Variants in RORA observed in about 807,000 individuals in gnomAD.
The protein encoded by RORA is nuclear receptor ROR-alpha.
A neutral mutation model predicts 69.5 loss-of-function variants in RORA; 7 were observed. The ratio of observed to expected loss-of-function variants is 0.10; its 90% CI spans 0.06 to 0.19. The LOEUF (loss-of-function observed/expected upper bound fraction) is 0.19, where lower values mean the gene tolerates loss of function less well. Among genes scored for constraint, RORA ranks in the 10% least tolerant of loss-of-function variants. The pLI is 1.00. For missense variants in RORA, 457 were observed against 663.0 expected, an observed-to-expected ratio of 0.69 and a Z score of 3.41; for synonymous variants, 261 against 240.8, an observed-to-expected ratio of 1.08 and a Z score of -0.78.
chr15:60,978,267 T>G (rs1338805436), intron 1 of RORA, among the ~76,000 whole-genome samples: 2 of 152,250 alleles, frequency 1.3e-5, no homozygotes, highest in Non-Finnish European at 2.9e-5. Flanking sequence ...AATTTTCATG[T>G]GTTCTTTCAT....
intron 1 of RORA, among the ~76,000 whole-genome samples, chr15:60,731,873 G>C (rs2071434585): frequency 6.6e-6 from 1 of 152,212 alleles, no homozygotes; most frequent in Non-Finnish European, 1.5e-5. Context: ...TAAAGTTGCT[G>C]TCAGCGTTCT....
chr15:60,852,012 G>A (rs1186233321), intron 1 of RORA, among the ~76,000 whole-genome samples: 4 of 152,118 alleles, frequency 2.6e-5, no homozygotes, highest in Non-Finnish European at 2.9e-5. Flanking sequence ...TTTACTGAGC[G>A]AGCTGGGGAA....
rs906808006 is a variant in RORA at position 60,509,755 on chromosome 15, T to G, written c.820+1471A>C. Among the ~76,000 whole-genome samples the G allele has an allele frequency of 4.6e-5, 7 of 150,694 alleles. 1 individual carries two copies. Among genetic ancestry groups the G allele is most frequent in the South Asian group, 2.1e-4 (1 of 4,690 alleles). ...CTGCTTAAGGCTCAGCCAACCAAGA[T>G]TTCATGACAAAAATGGAAGGTTTTT... On this transcript the variant is annotated intron_variant, in intron 5 of 10. Transcript: ENST00000335670.
At chr15:60,644,860 G>C (rs2070009754) in intron 2 of RORA, among the ~76,000 whole-genome samples, 1 of 152,104 alleles carries the variant, frequency 6.6e-6, no homozygotes, top group African/African-American at 2.4e-5. Context: ...CTCCTTGCGG[G>C]GGCCAATCAC....
At chr15:60,667,762 G>C (rs2070401261) in intron 2 of RORA, among the ~76,000 whole-genome samples, 1 of 151,926 alleles carries the variant, frequency 6.6e-6, no homozygotes, top group Admixed American at 6.6e-5. Flanking sequence ...TGGGACTATA[G>C]GCATGCACCC....
At chr15:60,571,538 A>G (rs185055458) in intron 2 of RORA, among the ~76,000 whole-genome samples, 2 of 152,218 alleles carry the variant, frequency 1.3e-5, no homozygotes, top group East Asian at 1.9e-4. Context: ...ACTTTTTGGT[A>G]TCATAATATT....
At chr15:60,614,866 G>A (rs199628268) in intron 2 of RORA, 6 of 1,592,240 alleles carry the variant, frequency 3.8e-6, no homozygotes, top group Non-Finnish European at 4.3e-6. Flanking sequence ...TAGCTGCCTG[G>A]AGCATAGTAA....
intron 1 of RORA, among the ~76,000 whole-genome samples, chr15:61,141,245 G>A (rs1279764480): frequency 2.0e-5 from 3 of 152,086 alleles, no homozygotes; most frequent in Admixed American, 1.3e-4. Flanking sequence ...TTATACATTA[G>A]GTTCTTCAAC....
chr15:61,228,015 T>TC lies in RORA; in HGVS notation c.166+1037dup, dbSNP rs528816027. Among the ~76,000 whole-genome samples the TC allele has an allele frequency of 1.8e-4, 27 of 148,366 alleles. No homozygotes were observed. The South Asian group carries it at 5.3e-3, about 29-fold the overall frequency. On this transcript the variant is annotated intron_variant, in intron 1 of 10. Transcript: ENST00000335670. ...TTTAGGAAAGGAGGGAGCAACTGAG[T>TC]CCCCCCCATCCCCCCCAACACACGC...
At chr15:61,037,040 C>A (rs1896493072) in intron 1 of RORA, among the ~76,000 whole-genome samples, 1 of 152,100 alleles carries the variant, frequency 6.6e-6, no homozygotes. Context: ...GGGTAGATAG[C>A]TTAAGAATGG....
intron 1 of RORA, among the ~76,000 whole-genome samples, chr15:61,104,051 A>C (rs1474978656): frequency 6.6e-6 from 1 of 152,222 alleles, no homozygotes; most frequent in Non-Finnish European, 1.5e-5. Flanking sequence ...TCTTAGATAA[A>C]CAAGGCTGCA....
chr15:61,221,914 A>G (rs926525277), intron 1 of RORA, among the ~76,000 whole-genome samples: 2 of 151,962 alleles, frequency 1.3e-5, no homozygotes, highest in African/African-American at 4.8e-5. Flanking sequence ...CTCAGTTACT[A>G]AGAAGCCTGA....
At chr15:60,556,669 C>T (rs2067368809) in intron 2 of RORA, among the ~76,000 whole-genome samples, 2 of 152,224 alleles carry the variant, frequency 1.3e-5, no homozygotes, top group African/African-American at 4.8e-5. Context: ...CAGGTATAAC[C>T]CTGTTTCATG....
At chr15:60,819,153 T>C (rs1273087357) in intron 1 of RORA, among the ~76,000 whole-genome samples, 3 of 152,254 alleles carry the variant, frequency 2.0e-5, no homozygotes, top group Non-Finnish European at 2.9e-5. Flanking sequence ...AACAGTCTTG[T>C]CTTTGATTTA....
At chr15:60,788,450 C>T (rs1797597106) in intron 1 of RORA, among the ~76,000 whole-genome samples, 2 of 152,316 alleles carry the variant, frequency 1.3e-5, no homozygotes, top group Non-Finnish European at 2.9e-5. Flanking sequence ...TCCAAACTCC[C>T]CTCGATTGAC....
intron 1 of RORA, among the ~76,000 whole-genome samples, chr15:61,073,254 A>G (rs1013291071): frequency 1.3e-5 from 2 of 152,218 alleles, no homozygotes; most frequent in Non-Finnish European, 2.9e-5. Flanking sequence ...GAGGCAAGGT[A>G]GAGGGCAGGG....
intron 1 of RORA, among the ~76,000 whole-genome samples, chr15:61,043,011 G>C (rs1346596383): frequency 6.6e-6 from 1 of 152,196 alleles, no homozygotes; most frequent in Non-Finnish European, 1.5e-5. Flanking sequence ...GTCAGACACA[G>C]ACAGCAGGCT....
intron 1 of RORA, among the ~76,000 whole-genome samples, chr15:60,870,366 T>C (rs2073541761): frequency 6.6e-6 from 1 of 152,108 alleles, no homozygotes; most frequent in African/African-American, 2.4e-5. Flanking sequence ...TGGACAGCGA[T>C]TTTTGTGGAT....
At chr15:60,798,826 C>A (rs889178356) in intron 1 of RORA, among the ~76,000 whole-genome samples, 5 of 152,126 alleles carry the variant, frequency 3.3e-5, no homozygotes, top group African/African-American at 1.2e-4. Flanking sequence ...AATGATATAT[C>A]CCCACTCTAA....
Sources: gnomAD v4.1 joint callset for allele counts (sites outside exome capture counted in the v4.1 genomes callset) on GRCh38, gnomAD v4.1.1 for gene constraint, MANE v1.5 for transcripts, NCBI Gene and HGNC (gene_info 2026-07-23, HGNC 2026-07-21) for gene names.